The following SPIDR variants were observed in gnomAD, a reference collection of about 807,000 sequenced individuals.
SPIDR encodes the protein scaffold protein involved in DNA repair, also known as DNA repair-scaffolding protein.
In SPIDR, 93 loss-of-function variants were observed where a neutral mutation model predicts 104.6. The observed-to-expected ratio is 0.89, with a 90% CI of 0.75 to 1.06. The LOEUF is 1.06. Ranked by LOEUF, SPIDR falls within the 50% of genes least tolerant of loss-of-function variation. The probability of loss-of-function intolerance (pLI) is 0.00; values close to 1 mark genes in which losing one functional copy is unlikely to be tolerated. For synonymous variants in SPIDR, 431 were observed against 416.9 expected (o/e 1.03, Z -0.41); for missense variants, 1,154 against 1,111.2 (o/e 1.04, Z -0.55).
At chr8:47,705,693 C>G (rs1486294258) in intron 14 of SPIDR, among the ~76,000 whole-genome samples, 1 of 152,056 alleles carries the variant, frequency 6.6e-6, no homozygotes, top group Non-Finnish European at 1.5e-5. Flanking sequence ...CTCTTGAGGC[C>G]AGGAGTTCCA....
chr8:47,548,235 T>C (rs2089797386), intron 8 of SPIDR, among the ~76,000 whole-genome samples: 1 of 152,242 alleles, frequency 6.6e-6, no homozygotes, highest in African/African-American at 2.4e-5. Flanking sequence ...GAATTCGTGG[T>C]ACATGAATTA....
chr8:47,692,965 C>G (rs189345008), intron 11 of SPIDR, among the ~76,000 whole-genome samples: 291 of 152,308 alleles, frequency 1.9e-3, no homozygotes, highest in Middle Eastern at 0.01. Flanking sequence ...ATTGCTGCCA[C>G]GCAGCTTTCC....
At chr8:47,618,083 G>C (rs576085540) in intron 10 of SPIDR, among the ~76,000 whole-genome samples, 1 of 152,294 alleles carries the variant, frequency 6.6e-6, no homozygotes, top group South Asian at 2.1e-4. Context: ...ATTGGGCAAG[G>C]ATCTCTAAAG....
chr8:47,364,222 C>T lies in SPIDR; in HGVS notation c.526-32154C>T, dbSNP rs148359721. 2.0e-4 allele frequency among the ~76,000 whole-genome samples: 30 copies of T among 152,304 alleles called. No homozygotes were observed. The East Asian group carries it at 5.8e-3, about 29-fold the overall frequency. On this transcript the variant is annotated intron_variant, in intron 5 of 19. Coordinates refer to ENST00000297423, the MANE Select transcript of SPIDR (RefSeq NM_001080394.4). ...GTATAGGCTTGAAACTGACCTCAGC[C>T]TCTTCTAGACTCTCACAGGGCTTCT...
intron 5 of SPIDR, among the ~76,000 whole-genome samples, chr8:47,381,182 C>T (rs2059285799): frequency 1.3e-5 from 2 of 152,218 alleles, no homozygotes; most frequent in Admixed American, 6.5e-5. Flanking sequence ...CCTTCCCTCC[C>T]TCTGTACCCA....
chr8:47,287,433 AT>A (rs1187172082), intron 3 of SPIDR, among the ~76,000 whole-genome samples: 1 of 151,878 alleles, frequency 6.6e-6, no homozygotes, highest in Non-Finnish European at 1.5e-5. Context: ...ACCAGGGTGG[AT>A]TTTTTTTCCC....
chr8:47,474,796 G>C (rs1263778901), intron 8 of SPIDR, among the ~76,000 whole-genome samples: 2 of 152,224 alleles, frequency 1.3e-5, no homozygotes, highest in Non-Finnish European at 2.9e-5. Context: ...GTTCTCTTTT[G>C]TAGAATGTCA....
intron 7 of SPIDR, among the ~76,000 whole-genome samples, chr8:47,413,304 C>T (rs932514148): frequency 3.3e-5 from 5 of 152,248 alleles, no homozygotes; most frequent in Non-Finnish European, 7.3e-5. Context: ...TAGAGACATT[C>T]CAGTCCAAGC....
chr8:47,311,587 A>AG (rs1363640468), intron 5 of SPIDR, among the ~76,000 whole-genome samples: 2 of 152,172 alleles, frequency 1.3e-5, no homozygotes, highest in Non-Finnish European at 2.9e-5. Flanking sequence ...GGGAGGCCAA[A>AG]GAGGGGTATT....
intron 10 of SPIDR, among the ~76,000 whole-genome samples, chr8:47,657,986 T>C (rs550355109): frequency 7.8e-5 from 10 of 127,554 alleles, no homozygotes; most frequent in Middle Eastern, 5.6e-3. Flanking sequence ...GCCGTGATCA[T>C]GCCACTGCAC....
intron 5 of SPIDR, among the ~76,000 whole-genome samples, chr8:47,351,277 A>G (rs1554622213): frequency 1.3e-5 from 2 of 152,216 alleles, no homozygotes; most frequent in African/African-American, 2.4e-5. Context: ...GGTGCTATCC[A>G]TGTTTTCAGA....
At chr8:47,472,858 G>T (rs1554721809) in intron 8 of SPIDR, among the ~76,000 whole-genome samples, 4 of 152,208 alleles carry the variant, frequency 2.6e-5, no homozygotes, top group African/African-American at 9.7e-5. Context: ...CATATCTAAT[G>T]CAGCCTCTCA....
intron 14 of SPIDR, 37 bp downstream of exon 14, chr8:47,702,052 T>A: frequency 8.5e-7 from 1 of 1,178,140 alleles, no homozygotes; most frequent in Non-Finnish European, 1.1e-6. Context: ...CTCTCAGCCT[T>A]TCTCTCTCTC....
At chr8:47,396,845 T>C (rs1038433001) in intron 6 of SPIDR, among the ~76,000 whole-genome samples, 1 of 152,222 alleles carries the variant, frequency 6.6e-6, no homozygotes, top group Admixed American at 6.5e-5. Flanking sequence ...TCAAATGTTA[T>C]TGAGAGTCAG....
At chr8:47,506,068 C>T (rs1039161481) in intron 8 of SPIDR, among the ~76,000 whole-genome samples, 7 of 152,174 alleles carry the variant, frequency 4.6e-5, no homozygotes, top group Non-Finnish European at 8.8e-5. Context: ...ACCATTTCTG[C>T]ATGTATAGTA....
At chr8:47,531,741 G>A (rs1316488122) in intron 8 of SPIDR, among the ~76,000 whole-genome samples, 1 of 152,060 alleles carries the variant, frequency 6.6e-6, no homozygotes, top group Non-Finnish European at 1.5e-5. Flanking sequence ...CAATTTCTCA[G>A]GACAACATTA....
chr8:47,561,653 C>G (rs1485324666), intron 8 of SPIDR, among the ~76,000 whole-genome samples: 2 of 152,156 alleles, frequency 1.3e-5, no homozygotes, highest in Non-Finnish European at 2.9e-5. Context: ...AGCTGCAGTG[C>G]CCACCCCTGC....
intron 8 of SPIDR, among the ~76,000 whole-genome samples, chr8:47,594,095 C>T (rs1268443997): frequency 6.7e-6 from 1 of 149,006 alleles, no homozygotes; most frequent in Non-Finnish European, 1.5e-5. Context: ...CACGGTGGCT[C>T]ACGCCTGTAA....
At chr8:47,499,522 A>G (rs1386153196) in intron 8 of SPIDR, among the ~76,000 whole-genome samples, 1 of 149,366 alleles carries the variant, frequency 6.7e-6, no homozygotes. Context: ...AGTAGAGACC[A>G]TCAAATGATA....
Sources: allele counts gnomAD v4.1 joint callset (sites outside exome capture counted in the v4.1 genomes callset), GRCh38; gene constraint gnomAD v4.1.1; transcripts MANE v1.5; gene names NCBI Gene and HGNC (gene_info 2026-07-23, HGNC 2026-07-21).